Variants in MYLK observed in about 807,000 individuals in gnomAD.
MYLK encodes the protein myosin light chain kinase, also known as myosin light chain kinase, smooth muscle.
MYLK carries 106 observed loss-of-function variants against 203.4 expected under a neutral mutation model. The ratio of observed to expected loss-of-function variants is 0.52; its 90% CI spans 0.45 to 0.61. MYLK has a LOEUF of 0.61. Ranked by LOEUF, MYLK falls within the 20% of genes least tolerant of loss-of-function variation. The pLI is 0.00. For missense variants in MYLK, 2,072 were observed against 2,442.3 expected (o/e 0.85, Z 3.20); for synonymous variants, 867 against 959.5 (o/e 0.90, Z 1.78).
intron 2 of MYLK, among the ~76,000 whole-genome samples, chr3:123,845,056 C>G (rs1259918679): frequency 6.6e-6 from 1 of 152,084 alleles, no homozygotes; most frequent in East Asian, 1.9e-4. Flanking sequence ...GGTATTCAGT[C>G]TCTTTTGCCT....
chr3:123,675,896 C>T (rs2060058233), intron 20 of MYLK, among the ~76,000 whole-genome samples: 2 of 152,208 alleles, frequency 1.3e-5, no homozygotes, highest in Admixed American at 6.5e-5. Context: ...TACATGCTTA[C>T]AGATACGTGG....
chr3:123,713,006 T>C (rs959196472), intron 13 of MYLK, among the ~76,000 whole-genome samples: 1 of 152,202 alleles, frequency 6.6e-6, no homozygotes, highest in Non-Finnish European at 1.5e-5. Flanking sequence ...AGGCAAATAC[T>C]ATTAGGAATA....
chr3:123,772,113 T>A lies in MYLK; in HGVS notation c.166-19575A>T, dbSNP rs187594579. 3.3e-5 allele frequency among the ~76,000 whole-genome samples: 5 copies of A among 152,254 alleles called. No individual in the cohort carries two copies. In the East Asian group the frequency reaches 5.8e-4, roughly 18 times the overall value. Reference sequence around the variant, plus strand: ...GGAACAAATTTAAGAAATGTGAAGATCCTATATAATTAAAGTTTCAAAACT... The same window carrying A: ...GGAACAAATTTAAGAAATGTGAAGAACCTATATAATTAAAGTTTCAAAACT... On this transcript the variant is annotated intron_variant, in intron 4 of 33. Transcript: ENST00000360304.
At chr3:123,811,049 GA>G (rs1278483231) in intron 3 of MYLK, among the ~76,000 whole-genome samples, 2 of 152,192 alleles carry the variant, frequency 1.3e-5, no homozygotes, top group African/African-American at 4.8e-5. Flanking sequence ...TAACTGGAAA[GA>G]AATGGTGACC....
At chr3:123,691,993 A>G (rs1372828210) in intron 19 of MYLK, among the ~76,000 whole-genome samples, 1 of 152,200 alleles carries the variant, frequency 6.6e-6, no homozygotes, top group African/African-American at 2.4e-5. Flanking sequence ...GTGTTCATCT[A>G]AATCATCACG....
At chr3:123,679,289 G>T (rs112737506) in intron 20 of MYLK, among the ~76,000 whole-genome samples, 5,681 of 147,966 alleles carry the variant, frequency 0.038, 352 homozygotes, top group African/African-American at 0.13. Context: ...CCTGGTGACA[G>T]AGCGAGACTC....
rs750254591 is a variant in MYLK, at chr3:123,638,044, CA to C, written c.4961+26del. 8.7e-6 allele frequency: 14 copies of C among 1,613,072 alleles called. No homozygotes were observed. The South Asian group carries it at 1.5e-4, about 18-fold the overall frequency. ...CCCACTGGTCCACCAAGTGGTCCAC[CA>C]GTCCACCAAGTGCCCCAGGACTCAC... On this transcript the variant is annotated intron_variant, in intron 29 of 33. Transcript: ENST00000360304.
In MYLK at chr3:123,700,579, G is replaced by C; in HGVS notation, c.2889C>G (p.Ser963=). ...GCACCTTCTCAGGCACGGGGGTCTT[G>C]GAAGTCCCCTTCTTGGCCAGGACAG... The part of the protein sequence containing the change: ...FRSVLAKKGT[S]KTPVPEKVPP... The change falls in exon 18 of 34, where the codon TCC becomes TCG. Residue 963 remains serine, a synonymous_variant. Coordinates refer to ENST00000360304, the MANE Select transcript of MYLK (RefSeq NM_053025.4). 1 of 1,613,688 alleles carries C rather than the reference G, an allele frequency of 6.2e-7. No individual in the cohort carries two copies. The highest frequency in any genetic ancestry group is 8.5e-7 in the Non-Finnish European group (1 of 1,179,940).
At chr3:123,792,167 T>C (rs2064807128) in intron 4 of MYLK, among the ~76,000 whole-genome samples, 1 of 152,188 alleles carries the variant, frequency 6.6e-6, no homozygotes, top group African/African-American at 2.4e-5. Context: ...CATCATCACA[T>C]GACATAGAGG....
intron 31 of MYLK, chr3:123,622,880 C>G (rs762270620): frequency 6.6e-6 from 1 of 152,194 alleles, no homozygotes; most frequent in African/African-American, 2.4e-5. Flanking sequence ...ACATCAAGAT[C>G]GCCAAGTTTT....
intron 20 of MYLK, among the ~76,000 whole-genome samples, chr3:123,675,374 G>A (rs894460157): frequency 6.6e-6 from 1 of 152,060 alleles, no homozygotes; most frequent in African/African-American, 2.4e-5. Flanking sequence ...CCTAGTCCTG[G>A]GGAAAAAAAA....
chr3:123,637,951 G>C, intron 29 of MYLK, 120 bp downstream of exon 29: 1 of 1,468,216 alleles, frequency 6.8e-7, no homozygotes, highest in Non-Finnish European at 9.4e-7. Context: ...CCTGACTCTG[G>C]GGGGGGCTCC....
intron 19 of MYLK, among the ~76,000 whole-genome samples, chr3:123,690,167 C>T (rs1411549974): frequency 6.6e-6 from 1 of 152,026 alleles, no homozygotes; most frequent in Middle Eastern, 3.2e-3. Context: ...GACCTCATTG[C>T]CCCATAAGAG....
chr3:123,820,011 A>G (rs1045253981), intron 3 of MYLK, among the ~76,000 whole-genome samples: 1 of 151,944 alleles, frequency 6.6e-6, no homozygotes, highest in Non-Finnish European at 1.5e-5. Context: ...ACTTCATTCA[A>G]TTTGTTGGCA....
At chr3:123,841,728 C>T (rs187158155) in intron 2 of MYLK, among the ~76,000 whole-genome samples, 25 of 152,200 alleles carry the variant, frequency 1.6e-4, no homozygotes, top group Middle Eastern at 6.8e-3. Flanking sequence ...CTTTAACCCC[C>T]TACAATCAAT....
At chr3:123,644,271 G>A (rs187883335) in intron 27 of MYLK, among the ~76,000 whole-genome samples, 1 of 152,120 alleles carries the variant, frequency 6.6e-6, no homozygotes, top group Non-Finnish European at 1.5e-5. Context: ...GAGTGTTTAA[G>A]CTGGAAGGGA....
chr3:123,883,386 TCTC>T (rs1395268018), intron 1 of MYLK, among the ~76,000 whole-genome samples: 1 of 151,962 alleles, frequency 6.6e-6, no homozygotes, highest in Non-Finnish European at 1.5e-5. Flanking sequence ...AGCTGGGTCT[TCTC>T]CTTCTGGCTA....
intron 11 of MYLK, among the ~76,000 whole-genome samples, chr3:123,729,082 T>G (rs2062392615): frequency 6.6e-6 from 1 of 152,148 alleles, no homozygotes; most frequent in African/African-American, 2.4e-5. Context: ...CAAATGGTTG[T>G]GCAGGGCTGT....
intron 4 of MYLK, among the ~76,000 whole-genome samples, chr3:123,793,028 C>T (rs893796240): frequency 3.3e-5 from 5 of 152,184 alleles, no homozygotes; most frequent in African/African-American, 1.2e-4. Flanking sequence ...CTGACCCCCT[C>T]CTACAAGCTT....
Sources: allele counts gnomAD v4.1 joint callset (sites outside exome capture counted in the v4.1 genomes callset), GRCh38; gene constraint gnomAD v4.1.1; transcripts MANE v1.5; gene names NCBI Gene and HGNC (gene_info 2026-07-23, HGNC 2026-07-21).